CACNA1C: variants seen among roughly 807,000 people sequenced by gnomAD.
CACNA1C encodes calcium voltage-gated channel subunit alpha1 C.
A neutral mutation model predicts 229.0 loss-of-function variants in CACNA1C; 30 were observed. The observed-to-expected ratio is 0.13, with a 90% CI of 0.10 to 0.18. CACNA1C has a LOEUF of 0.18. Among genes scored for constraint, CACNA1C ranks in the 10% least tolerant of loss-of-function variants. The pLI is 1.00. For missense variants in CACNA1C, 1,658 were observed against 2,845.0 expected, an observed-to-expected ratio of 0.58 and a Z score of 9.49; for synonymous variants, 1,114 against 1,132.5, an observed-to-expected ratio of 0.98 and a Z score of 0.33.
At position 2,649,575 on chromosome 12, in the gene CACNA1C, G is replaced by A. The variant is rs1039998021; in HGVS notation, c.3945+1068G>A. Among the ~76,000 whole-genome samples the A allele has an allele frequency of 6.6e-6, 1 of 152,210 alleles. No individual in the cohort carries two copies. The highest frequency in any genetic ancestry group is 2.4e-5 in the African/African-American group (1 of 41,456). ...AATTGGTGCATCCGAATGGCAGTGAGTTTATTCTCCTTCTCGAGCAGCATT... is the reference window on the plus strand; with the variant it reads ...AATTGGTGCATCCGAATGGCAGTGAATTTATTCTCCTTCTCGAGCAGCATT... On this transcript the variant is annotated intron_variant, in intron 31 of 46. Transcript: ENST00000399655. This position sits in a 1 kb window ranked among gnomAD's most constrained non-coding sequence, Gnocchi z 4.4.
intron 14 of CACNA1C, 78 bp downstream of exon 14, chr12:2,581,875 A>C (rs1600974032): frequency 8.0e-6 from 7 of 875,472 alleles, no homozygotes. Flanking sequence ...GGGAAGCTGC[A>C]CCCTTTTACC....
At chr12:2,476,371 C>T (rs1298693546) in intron 5 of CACNA1C, among the ~76,000 whole-genome samples, 3 of 152,360 alleles carry the variant, frequency 2.0e-5, no homozygotes, top group Middle Eastern at 3.4e-3. Flanking sequence ...CCAACTCTGC[C>T]ATTTACCAAG....
chr12:2,545,053 C>A (rs2099878529), intron 9 of CACNA1C, among the ~76,000 whole-genome samples: 1 of 152,142 alleles, frequency 6.6e-6, no homozygotes, highest in African/African-American at 2.4e-5. Flanking sequence ...GTAAGTTTGG[C>A]TTTGGGAAGT....
rs1194274619 is a variant in CACNA1C at position 2,348,622 on chromosome 12, T to C, written c.478-100354T>C. Among the ~76,000 whole-genome samples, 1 of 152,128 alleles carries C rather than the reference T, an allele frequency of 6.6e-6. No individual in the cohort carries two copies. Among genetic ancestry groups the C allele is most frequent in the African/African-American group, 2.4e-5 (1 of 41,436 alleles). On this transcript the variant is annotated intron_variant, in intron 3 of 46. Transcript: ENST00000399655. The surrounding 1 kb of genome is among the most constrained non-coding windows in gnomAD (Gnocchi z 4.7). ...TTATGTTTAGAAGCCGTCCAGAGAA[T>C]GTTTGGCATGCTGAATATAAACTCA...
In CACNA1C at chr12:2,608,886, A is replaced by T. The variant is rs528089834; in HGVS notation, c.3558+174A>T. On this transcript the variant is annotated intron_variant, in intron 27 of 46. Transcript: ENST00000399655. The surrounding 1 kb of genome is among the most constrained non-coding windows in gnomAD (Gnocchi z 4.2). ...TTTTTGAGGGACCTGTGCAAAAGAA[A>T]TGCAAATTCCTGCAAACCCCAGATC... is the stretch of plus-strand genomic sequence containing the variant. Among the ~76,000 whole-genome samples the T allele has an allele frequency of 6.6e-6, 1 of 152,350 alleles. No individual in the cohort carries two copies. Among genetic ancestry groups the T allele is most frequent in the South Asian group, 2.1e-4 (1 of 4,832 alleles).
chr12:2,059,870 T>C (rs2056794662), intron 1 of CACNA1C, among the ~76,000 whole-genome samples: 1 of 152,164 alleles, frequency 6.6e-6, no homozygotes, highest in South Asian at 2.1e-4. Context: ...AGAGCATTGT[T>C]AGTGCTTCTG....
chr12:2,512,657 G>A lies in CACNA1C; in HGVS notation c.1218-155G>A, dbSNP rs1024634559. On this transcript the variant is annotated intron_variant, in intron 8 of 46. Coordinates refer to ENST00000399655, the MANE Select transcript of CACNA1C (RefSeq NM_000719.7). This position sits in a 1 kb window ranked among gnomAD's most constrained non-coding sequence, Gnocchi z 4.3. ...CCTAGGCTGACTAGCGGAGCTGTCT[G>A]TGGAAAGTAGGGGCGTGTGGGCAGG... Among the ~76,000 whole-genome samples the A allele has an allele frequency of 1.3e-5, 2 of 152,238 alleles. No homozygotes were observed. The highest frequency in any genetic ancestry group is 4.2e-4 in the South Asian group (2 of 4,808).
intron 45 of CACNA1C, among the ~76,000 whole-genome samples, chr12:2,686,975 T>C (rs1458477650): frequency 6.6e-6 from 1 of 152,226 alleles, no homozygotes; most frequent in Non-Finnish European, 1.5e-5. Context: ...GGACCTATGT[T>C]TTAAATAGAC....
chr12:2,626,971 G>A (rs1478832365), intron 29 of CACNA1C, among the ~76,000 whole-genome samples: 1 of 152,194 alleles, frequency 6.6e-6, no homozygotes, highest in African/African-American at 2.4e-5. Context: ...TAATTCCAAA[G>A]AAAAATGGGA....
chr12:2,232,707 C>T (rs1252283427), intron 3 of CACNA1C, among the ~76,000 whole-genome samples: 1 of 151,952 alleles, frequency 6.6e-6, no homozygotes, highest in African/African-American at 2.4e-5. Context: ...GTCCTTTTTG[C>T]CTCCATATTT....
In CACNA1C at chr12:2,067,422, G is replaced by A. The variant is rs2059666279; in HGVS notation, c.49+13811G>A. ...GGAGATGGTGGCAGTTTAAGGATGT[G>A]GGCTTAGGACTGTGGACTAGGATGC... On this transcript the variant is annotated intron_variant, in intron 1 of 46. Transcript: ENST00000399655. This position sits in a 1 kb window ranked among gnomAD's most constrained non-coding sequence, Gnocchi z 5.3. Among the ~76,000 whole-genome samples, 1 of 151,582 alleles carries A rather than the reference G, an allele frequency of 6.6e-6. No homozygotes were observed. The highest frequency in any genetic ancestry group is 2.4e-5 in the African/African-American group (1 of 41,238).
rs148294070 is a variant in CACNA1C, at chr12:2,251,120, C to G, written c.477+130690C>G. Among the ~76,000 whole-genome samples the G allele has an allele frequency of 3.0e-3, 451 of 152,322 alleles. 4 individuals carry two copies. The highest frequency in any genetic ancestry group is 0.01 in the African/African-American group (427 of 41,572). The stretch of plus-strand genomic sequence containing the variant: ...TCTGCTCATATGAATACTTCTTGAT[C>G]ATTTAGTTTCTGTCATCAGTATCTG... On this transcript the variant is annotated intron_variant, in intron 3 of 46. Coordinates refer to ENST00000399655, the MANE Select transcript of CACNA1C (RefSeq NM_000719.7).
intron 3 of CACNA1C, among the ~76,000 whole-genome samples, chr12:2,380,703 C>G (rs1457160630): frequency 6.6e-6 from 1 of 152,184 alleles, no homozygotes; most frequent in Admixed American, 6.5e-5. Context: ...TGCCAGTGAG[C>G]AATGTTAGAA....
At chr12:2,305,015 A>G (rs1385128268) in intron 3 of CACNA1C, among the ~76,000 whole-genome samples, 1 of 152,134 alleles carries the variant, frequency 6.6e-6, no homozygotes, top group Non-Finnish European at 1.5e-5. Context: ...TGTTTGCAGG[A>G]TGATAACTGC....
chr12:2,582,990 C>T lies in CACNA1C; in HGVS notation c.2224+48C>T, dbSNP rs375918538. ...ACCCCTGCGGCCCCCAGCCCCCAGC[C>T]TGCAGCACAGTGCCAAACGGGCACG... On this transcript the variant is annotated intron_variant, in intron 15 of 46. Coordinates refer to ENST00000399655, the MANE Select transcript of CACNA1C (RefSeq NM_000719.7). The T allele has an allele frequency of 1.7e-5, 24 of 1,407,376 alleles. 1 individual carries two copies. The highest frequency in any genetic ancestry group is 9.9e-5 in the East Asian group (4 of 40,258). The allele number at this position is 1,407,376 out of a possible 1,614,324, so 87.2% of individuals were successfully genotyped here. A position where few individuals can be genotyped will look rare whatever the true frequency, so the allele number is the denominator to read the frequency against.
intron 3 of CACNA1C, among the ~76,000 whole-genome samples, chr12:2,278,020 G>C (rs532033242): frequency 6.6e-6 from 1 of 152,320 alleles, no homozygotes; most frequent in Admixed American, 6.5e-5. Flanking sequence ...GTGCTGACAG[G>C]CCTCAAGCCT....
At chr12:2,310,205 G>A (rs905108773) in intron 3 of CACNA1C, among the ~76,000 whole-genome samples, 5 of 151,958 alleles carry the variant, frequency 3.3e-5, no homozygotes, top group East Asian at 1.9e-4. Flanking sequence ...TGAGGTGCTC[G>A]GAGAGGCTAC....
intron 39 of CACNA1C, 124 bp downstream of exon 39, chr12:2,674,766 C>T: frequency 1.1e-6 from 1 of 909,560 alleles, no homozygotes; most frequent in East Asian, 2.7e-5. Flanking sequence ...CTTCTTGAGT[C>T]CCCTAGGCTT....
At chr12:2,542,280 C>T (rs922615742) in intron 9 of CACNA1C, among the ~76,000 whole-genome samples, 2 of 152,134 alleles carry the variant, frequency 1.3e-5, no homozygotes, top group African/African-American at 4.8e-5. Context: ...AAATGAGACC[C>T]AATTTCTTTT....
Sources: gnomAD v4.1 joint callset for allele counts (sites outside exome capture counted in the v4.1 genomes callset) on GRCh38, gnomAD v4.1.1 for gene constraint, Gnocchi (gnomAD v3.1) non-coding constraint, MANE v1.5 for transcripts, NCBI Gene and HGNC (gene_info 2026-07-23, HGNC 2026-07-21) for gene names.